Variants in RSF1 observed in about 807,000 individuals in gnomAD.
The protein encoded by RSF1 is HBV pX-associated protein 8.
In RSF1, 13 loss-of-function variants were observed where a neutral mutation model predicts 145.2. The observed-to-expected ratio is 0.09, with a 90% CI of 0.06 to 0.14. RSF1 has a LOEUF of 0.14. Among genes scored for constraint, RSF1 ranks in the 10% least tolerant of loss-of-function variants. The pLI, the probability that RSF1 is intolerant of heterozygous loss-of-function variation, is 1.00. For missense variants in RSF1, 1,517 were observed against 1,718.2 expected, an observed-to-expected ratio of 0.88 and a Z score of 2.07; for synonymous variants, 577 against 592.6, an observed-to-expected ratio of 0.97 and a Z score of 0.38.
chr11:77,839,494 A>G, the RSF1 span, among the ~76,000 whole-genome samples: 1 of 152,202 alleles, frequency 6.6e-6, no homozygotes, highest in Non-Finnish European at 1.5e-5. Context: ...AATATAAATC[A>G]TTCTGTTATA....
At chr11:77,698,245 T>A (rs1336319129) in intron 7 of RSF1, among the ~76,000 whole-genome samples, 1 of 152,162 alleles carries the variant, frequency 6.6e-6, no homozygotes, top group Non-Finnish European at 1.5e-5. Flanking sequence ...GAGAAGAGAT[T>A]GAGGTGTATT....
intron 3 of RSF1, among the ~76,000 whole-genome samples, chr11:77,743,467 A>T (rs1465017133): frequency 6.6e-6 from 1 of 152,062 alleles, no homozygotes; most frequent in African/African-American, 2.4e-5. Context: ...TAAATATTTT[A>T]TTTTTTGATG....
At chr11:77,670,493 T>C (rs1959491730) in intron 15 of RSF1, among the ~76,000 whole-genome samples, 1 of 152,212 alleles carries the variant, frequency 6.6e-6, no homozygotes. Context: ...ATTTCTAATA[T>C]ATCATATATT....
chr11:77,690,897 A>C (rs1308971219), intron 9 of RSF1: 3 of 473,380 alleles, frequency 6.3e-6, no homozygotes, highest in Non-Finnish European at 1.1e-5. Flanking sequence ...GTTCAATAAA[A>C]CTTTATTCAC....
chr11:77,683,582 T>C lies in RSF1; in HGVS notation c.3065+128A>G, dbSNP rs546009538. The C allele has an allele frequency of 7.7e-5, 42 of 545,500 alleles. 1 individual carries two copies. In the South Asian group the frequency reaches 1.5e-3, roughly 19 times the overall value. 33.8% of individuals were successfully genotyped at this position (545,500 alleles called of 1,614,324 possible). On this transcript the variant is annotated intron_variant, in intron 11 of 15. Transcript: ENST00000308488. The stretch of plus-strand genomic sequence containing the variant: ...AAAAAAAAAATTCTATGACTAAAGA[T>C]GGAAGGCAAGAAATATATATACAAC...
chr11:77,773,147 A>T (rs1565176001), intron 1 of RSF1, among the ~76,000 whole-genome samples: 1 of 152,230 alleles, frequency 6.6e-6, no homozygotes, highest in Non-Finnish European at 1.5e-5. Flanking sequence ...TTCTTAAAAA[A>T]CAGCATTATT....
chr11:77,704,192 G>A (rs1042381770), intron 5 of RSF1, among the ~76,000 whole-genome samples: 2 of 152,178 alleles, frequency 1.3e-5, no homozygotes, highest in Non-Finnish European at 2.9e-5. Context: ...CTACTGGGTA[G>A]GCTGAGGTGG....
intron 1 of RSF1, among the ~76,000 whole-genome samples, chr11:77,772,211 C>T (rs1156646478): frequency 1.3e-5 from 2 of 151,794 alleles, no homozygotes; most frequent in Non-Finnish European, 2.9e-5. Flanking sequence ...TCTCACATCA[C>T]TCAGGCTGGA....
intron 1 of RSF1, among the ~76,000 whole-genome samples, chr11:77,771,172 C>A (rs1021315621): frequency 6.6e-6 from 1 of 152,228 alleles, no homozygotes; most frequent in East Asian, 1.9e-4. Context: ...GGGGGAAGAA[C>A]GGATTTTTTC....
chr11:77,856,041 C>G, the RSF1 span, among the ~76,000 whole-genome samples: 2 of 152,080 alleles, frequency 1.3e-5, no homozygotes, highest in Non-Finnish European at 2.9e-5. Context: ...ATTCCTTGAG[C>G]CCAGGAGGCA....
chr11:77,677,391 GA>G (rs376712953), intron 12 of RSF1, among the ~76,000 whole-genome samples: 103 of 152,260 alleles, frequency 6.8e-4, no homozygotes, highest in South Asian at 2.9e-3. Context: ...AGTCACTCAA[GA>G]ATCTCTTCTT....
intron 2 of RSF1, among the ~76,000 whole-genome samples, chr11:77,758,475 A>G (rs1003686312): frequency 1.3e-5 from 2 of 152,196 alleles, no homozygotes; most frequent in South Asian, 2.1e-4. Flanking sequence ...TAGAAGTGGA[A>G]TTGCTAGGTC....
intron 1 of RSF1, among the ~76,000 whole-genome samples, chr11:77,789,866 C>T (rs1948499479): frequency 6.6e-6 from 1 of 152,206 alleles, no homozygotes; most frequent in Non-Finnish European, 1.5e-5. Flanking sequence ...GGTATGTGAG[C>T]ACACCTCCCA....
chr11:77,671,093 A>C (rs1466692788), intron 15 of RSF1, among the ~76,000 whole-genome samples: 11 of 112,740 alleles, frequency 9.8e-5, no homozygotes, highest in Non-Finnish European at 1.6e-4. Context: ...GTGACAGAGT[A>C]AGACTCTGTC....
intron 1 of RSF1, among the ~76,000 whole-genome samples, chr11:77,782,831 A>G (rs1383386055): frequency 1.3e-5 from 2 of 152,220 alleles, no homozygotes; most frequent in Non-Finnish European, 2.9e-5. Context: ...ATGATCACAA[A>G]GCCTAAAATT....
chr11:77,681,933 CCTAT>C (rs1959872658), intron 11 of RSF1, among the ~76,000 whole-genome samples: 1 of 152,170 alleles, frequency 6.6e-6, no homozygotes, highest in East Asian at 1.9e-4. Flanking sequence ...TTAATAAATT[CCTAT>C]CTTTTTTAAT....
At chr11:77,832,948 T>G in the RSF1 span, among the ~76,000 whole-genome samples, 1 of 82,656 alleles carries the variant, frequency 1.2e-5, no homozygotes, top group Non-Finnish European at 2.3e-5. Flanking sequence ...ATTGTATATA[T>G]ATATGTGTGT....
At chr11:77,761,924 C>G (rs1332385055) in intron 2 of RSF1, 2 of 150,224 alleles carry the variant, frequency 1.3e-5, no homozygotes, top group African/African-American at 4.9e-5. Context: ...TCAACCTCCT[C>G]AGCTAGCTGA....
At chr11:77,676,768 G>C in intron 13 of RSF1, 24 bp downstream of exon 13, 1 of 1,602,082 alleles carries the variant, frequency 6.2e-7, no homozygotes, top group South Asian at 1.1e-5. Context: ...TCTAGGGATC[G>C]GGGCCTAGTA....
Sources: gnomAD v4.1 joint callset for allele counts (sites outside exome capture counted in the v4.1 genomes callset) on GRCh38, gnomAD v4.1.1 for gene constraint, MANE v1.5 for transcripts, NCBI Gene and HGNC (gene_info 2026-07-23, HGNC 2026-07-21) for gene names.